The following RNF4 variants were observed in gnomAD, a reference collection of about 807,000 sequenced individuals.
RNF4 encodes the protein ring finger protein 4, also known as E3 ubiquitin-protein ligase RNF4.
In RNF4, 7 loss-of-function variants were observed where a neutral mutation model predicts 24.3. The ratio of observed to expected loss-of-function variants is 0.29; its 90% CI spans 0.16 to 0.54. RNF4 has a LOEUF of 0.54. Ranked by LOEUF, RNF4 falls within the 20% of genes least tolerant of loss-of-function variation. The probability of loss-of-function intolerance (pLI) is 0.95; values close to 1 mark genes in which losing one functional copy is unlikely to be tolerated. For synonymous variants in RNF4, 83 were observed against 84.3 expected (o/e 0.98, Z 0.09); for missense variants, 209 against 248.5 (o/e 0.84, Z 1.07).
At chr4:2,497,341 A>C (rs1436580062) in intron 3 of RNF4, 3 of 324,084 alleles carry the variant, frequency 9.3e-6, no homozygotes, top group Non-Finnish European at 1.7e-5. Context: ...GGATCCATTT[A>C]AAAAAAAATC....
chr4:2,502,309 G>A (rs920337092), intron 4 of RNF4, among the ~76,000 whole-genome samples: 2 of 152,164 alleles, frequency 1.3e-5, no homozygotes, highest in African/African-American at 4.8e-5. Flanking sequence ...TTGACTGCAG[G>A]AAGACAATGA....
At chr4:2,485,911 G>T (rs2108757576) in intron 1 of RNF4, among the ~76,000 whole-genome samples, 1 of 152,308 alleles carries the variant, frequency 6.6e-6, no homozygotes, top group Non-Finnish European at 1.5e-5. Context: ...GGAAGGAGGA[G>T]GCAAGGGTTC....
At chr4:2,508,621 T>G (rs1346640173) in intron 4 of RNF4, among the ~76,000 whole-genome samples, 1 of 152,226 alleles carries the variant, frequency 6.6e-6, no homozygotes, top group Non-Finnish European at 1.5e-5. Context: ...TGTTTTGTTT[T>G]GTTTTTGAGA....
intron 1 of RNF4, among the ~76,000 whole-genome samples, chr4:2,484,385 T>A (rs896063141): frequency 6.6e-6 from 1 of 152,022 alleles, no homozygotes; most frequent in Admixed American, 6.6e-5. Context: ...AGTCTAACAC[T>A]CTTCCTGTTT....
In RNF4 at chr4:2,512,618, C is replaced by G. The variant is rs544894388; in HGVS notation, c.374+21C>G. ...CTCAGGTACCAACGTGCCCCCAGCT[C>G]TGCTGCCGCCATGCTAGGATGTGGG... On this transcript the variant is annotated intron_variant, in intron 6 of 7. Transcript: ENST00000314289. This position sits in a 1 kb window ranked among gnomAD's most constrained non-coding sequence, Gnocchi z 4.1. The G allele has an allele frequency of 1.2e-6, 2 of 1,612,184 alleles. No homozygotes were observed. The highest frequency in any genetic ancestry group is 8.5e-7 in the Non-Finnish European group (1 of 1,178,850).
chr4:2,486,504 C>T (rs1334065691), intron 1 of RNF4, among the ~76,000 whole-genome samples: 1 of 152,178 alleles, frequency 6.6e-6, no homozygotes, highest in Non-Finnish European at 1.5e-5. Context: ...ACTCCTGACC[C>T]TTACTAAACC....
At chr4:2,506,518 T>C (rs967572569) in intron 4 of RNF4, among the ~76,000 whole-genome samples, 1 of 151,960 alleles carries the variant, frequency 6.6e-6, no homozygotes, top group Non-Finnish European at 1.5e-5. Context: ...AATCTTTTTT[T>C]TTTTTCCAAG....
At chr4:2,498,330 C>T in intron 3 of RNF4, among the ~76,000 whole-genome samples, 1 of 151,972 alleles carries the variant, frequency 6.6e-6, no homozygotes. Context: ...ATCATAGGCG[C>T]CCACCACCAC....
At chr4:2,474,130 C>T (rs889754043) in intron 1 of RNF4, among the ~76,000 whole-genome samples, 4 of 152,082 alleles carry the variant, frequency 2.6e-5, no homozygotes, top group African/African-American at 9.7e-5. Flanking sequence ...AATCCCAGCA[C>T]TTTGGGAGGC....
rs533709399 is a variant in RNF4 at position 2,491,324 on chromosome 4, C to T, written c.9+822C>T. Among the ~76,000 whole-genome samples the T allele has an allele frequency of 2.0e-5, 3 of 152,176 alleles. No homozygotes were observed. The South Asian group carries it at 6.2e-4, about 32-fold the overall frequency. Reference sequence around the variant, plus strand: ...CGACCTCGGCTCACTGCAACCTCCACGTTCTGGGTTCAAGTGATTCTTGTG... The same window carrying T: ...CGACCTCGGCTCACTGCAACCTCCATGTTCTGGGTTCAAGTGATTCTTGTG... On this transcript the variant is annotated intron_variant, in intron 2 of 7. Coordinates refer to ENST00000314289, the MANE Select transcript of RNF4 (RefSeq NM_002938.5).
chr4:2,478,355 A>T (rs1040903431), intron 1 of RNF4, among the ~76,000 whole-genome samples: 2 of 152,248 alleles, frequency 1.3e-5, no homozygotes, highest in Non-Finnish European at 2.9e-5. Context: ...GATTTGCATA[A>T]GTAACAGGGA....
At chr4:2,476,629 G>A (rs1735083438) in intron 1 of RNF4, among the ~76,000 whole-genome samples, 1 of 151,586 alleles carries the variant, frequency 6.6e-6, no homozygotes, top group Admixed American at 6.6e-5. Flanking sequence ...CTGACCTTGT[G>A]ATCCACCCAC....
intron 4 of RNF4, among the ~76,000 whole-genome samples, chr4:2,509,790 C>G (rs571781376): frequency 6.6e-6 from 1 of 152,274 alleles, no homozygotes; most frequent in African/African-American, 2.4e-5. Context: ...GGCTGGGGCA[C>G]TGGGAGTGTC....
intron 3 of RNF4, among the ~76,000 whole-genome samples, chr4:2,499,604 A>G (rs564390903): frequency 6.6e-6 from 1 of 152,138 alleles, no homozygotes; most frequent in African/African-American, 2.4e-5. Flanking sequence ...ATTAATATTA[A>G]TAGTAATCAG....
rs566395525 is a variant in RNF4, at chr4:2,511,968, G to T, written c.214+3G>T. 1 of 1,607,166 alleles carries T rather than the reference G, an allele frequency of 6.2e-7. No individual in the cohort carries two copies. The highest frequency in any genetic ancestry group is 8.5e-7 in the Non-Finnish European group (1 of 1,176,868). ...TTCTGTTTACAAGATTGTTGACGGT[G>T]AGTGGTTTCGTTTCCTTTTTCACTG... is the stretch of plus-strand genomic sequence containing the variant. On this transcript the variant is annotated splice_donor_region_variant and intron_variant, in intron 5 of 7. Transcript: ENST00000314289.
chr4:2,500,089 G>T (rs1010834827), intron 3 of RNF4, among the ~76,000 whole-genome samples: 1 of 151,412 alleles, frequency 6.6e-6, no homozygotes, highest in African/African-American at 2.4e-5. Flanking sequence ...CCCAGGAGGC[G>T]GAGGTTGCAG....
Position 2,497,019 on chromosome 4 carries a change from G to C in RNF4, c.22G>C (p.Gly8Arg). 6.2e-7 allele frequency: 1 copy of C among 1,602,362 alleles called. No individual in the cohort carries two copies. The highest frequency in any genetic ancestry group is 1.1e-5 in the South Asian group (1 of 88,718). Residue 8 changes from glycine (G) to arginine (R), a missense_variant, in exon 3 of 8, where the codon GGT (glycine) becomes CGT (arginine). Around this residue, in one of 3 missense-constraint regions of RNF4, gnomAD observed 182 missense variants for 197.2 expected, o/e 0.92. Transcript: ENST00000314289. Reference sequence around the variant, plus strand: ...CCTTGCTACTCAGAGAAAGCGTCGTGGTGGAGCAATAAATTCTAGACAAGC... The same window carrying C: ...CCTTGCTACTCAGAGAAAGCGTCGTCGTGGAGCAATAAATTCTAGACAAGC... MSTRKRR[G>R]GAINSRQAQK...
intron 3 of RNF4, among the ~76,000 whole-genome samples, chr4:2,497,543 C>A (rs1735774973): frequency 6.6e-6 from 1 of 152,204 alleles, no homozygotes. Context: ...TCCCCTTCTG[C>A]CTGCTCAAGA....
In RNF4 at chr4:2,512,961, C is replaced by T; in HGVS notation, c.375-122C>T. 1 of 972,544 alleles carries T rather than the reference C, an allele frequency of 1.0e-6. No homozygotes were observed. The highest frequency in any genetic ancestry group is 1.6e-6 in the Non-Finnish European group (1 of 614,562). 60.2% of individuals were successfully genotyped at this position (972,544 alleles called of 1,614,324 possible). On this transcript the variant is annotated intron_variant, in intron 6 of 7. Coordinates refer to ENST00000314289, the MANE Select transcript of RNF4 (RefSeq NM_002938.5). This position sits in a 1 kb window ranked among gnomAD's most constrained non-coding sequence, Gnocchi z 4.1. ...CCTGAAAGTCTCTCGGATGCCCGCG[C>T]TAAGGCAGAGTCAGGAGGCCAGGGA...
Sources: gnomAD v4.1 joint callset for allele counts (sites outside exome capture counted in the v4.1 genomes callset) on GRCh38, gnomAD v4.1.1 for gene constraint, gnomAD v4.1.1 regional missense constraint, Gnocchi (gnomAD v3.1) non-coding constraint, MANE v1.5 for transcripts, NCBI Gene and HGNC (gene_info 2026-07-23, HGNC 2026-07-21) for gene names.